The following ADARB2 variants were observed in gnomAD, a reference collection of about 807,000 sequenced individuals.
ADARB2 encodes adenosine deaminase RNA specific B2 (inactive), also known as inactive double-stranded RNA-specific editase B2.
A neutral mutation model predicts 62.2 loss-of-function variants in ADARB2; 25 were observed. That is an observed-to-expected ratio of 0.40 (90% confidence interval 0.29 to 0.56). ADARB2 has a LOEUF of 0.56. Ranked by LOEUF, ADARB2 falls within the 20% of genes least tolerant of loss-of-function variation. The pLI, the probability that ADARB2 is intolerant of heterozygous loss-of-function variation, is 0.43. For missense variants in ADARB2, 1,071 were observed against 1,077.4 expected (o/e 0.99, Z 0.08); for synonymous variants, 572 against 500.8 (o/e 1.14, Z -1.90).
At chr10:1,291,049 C>T (rs1319684327) in intron 3 of ADARB2, 3 of 152,154 alleles carry the variant, frequency 2.0e-5, no homozygotes, top group Non-Finnish European at 2.9e-5. Context: ...AAGATAAAAA[C>T]CAGAAGAATC....
At chr10:1,524,492 T>C (rs562714763) in intron 1 of ADARB2, among the ~76,000 whole-genome samples, 2 of 152,336 alleles carry the variant, frequency 1.3e-5, no homozygotes, top group East Asian at 3.9e-4. Flanking sequence ...ACTTGGATAA[T>C]GGGTCAATCA....
At position 1,675,100 on chromosome 10, in the gene ADARB2, T is replaced by C. The variant is rs1011622402; in HGVS notation, c.100+61951A>G. The C allele has an allele frequency of 3.0e-6, 3 of 984,014 alleles. No individual in the cohort carries two copies. In the African/African-American group the frequency reaches 5.3e-5, roughly 17 times the overall value. 61.0% of individuals were successfully genotyped at this position (984,014 alleles called of 1,614,324 possible). On this transcript the variant is annotated intron_variant, in intron 1 of 9. Transcript: ENST00000381312. The stretch of plus-strand genomic sequence containing the variant: ...TGGGTTAAGGGATGTGTGGATGTTC[T>C]GGAGGTTTGGGTTGCGGGGTACATG...
intron 8 of ADARB2, among the ~76,000 whole-genome samples, chr10:1,190,523 A>G (rs1836828263): frequency 6.6e-6 from 1 of 152,254 alleles, no homozygotes; most frequent in African/African-American, 2.4e-5. Context: ...TTAAAAGAGC[A>G]GAAATCTGTC....
chr10:1,377,758 C>T (rs2387654), intron 2 of ADARB2, among the ~76,000 whole-genome samples: 42,062 of 152,040 alleles, frequency 0.28, 6,920 homozygotes, highest in Non-Finnish European at 0.37. Flanking sequence ...CTCCTCCTAA[C>T]CCCCTCCTTC....
At chr10:1,595,468 A>G (rs1330870938) in intron 1 of ADARB2, among the ~76,000 whole-genome samples, 1 of 152,236 alleles carries the variant, frequency 6.6e-6, no homozygotes, top group African/African-American at 2.4e-5. Flanking sequence ...TCAGATTTGT[A>G]TTAGAAAAAA....
chr10:1,449,914 T>G (rs1831016617), intron 1 of ADARB2, among the ~76,000 whole-genome samples: 1 of 152,214 alleles, frequency 6.6e-6, no homozygotes, highest in Non-Finnish European at 1.5e-5. Context: ...TGAGTTCAAT[T>G]AGCCAAGGGC....
intron 3 of ADARB2, among the ~76,000 whole-genome samples, chr10:1,358,667 C>T (rs1451336380): frequency 1.4e-5 from 2 of 147,838 alleles, no homozygotes; most frequent in Non-Finnish European, 3.0e-5. Flanking sequence ...ATTCTTTTAA[C>T]ATTTGTAGAA....
chr10:1,683,947 G>T (rs1247184052), intron 1 of ADARB2, among the ~76,000 whole-genome samples: 1 of 152,248 alleles, frequency 6.6e-6, no homozygotes, highest in Admixed American at 6.5e-5. Context: ...ACTGTGCAAA[G>T]GGTGGCTCCG....
At chr10:1,708,853 G>A (rs1055744694) in intron 1 of ADARB2, among the ~76,000 whole-genome samples, 2 of 152,098 alleles carry the variant, frequency 1.3e-5, no homozygotes, top group Admixed American at 6.5e-5. Context: ...CCTCCAGCCT[G>A]CAAGCCACAC....
chr10:1,736,429 G>T (rs1835301181), intron 1 of ADARB2, among the ~76,000 whole-genome samples: 1 of 152,124 alleles, frequency 6.6e-6, no homozygotes, highest in Non-Finnish European at 1.5e-5. Context: ...CCTGGTTTGC[G>T]GTTTTTTTCT....
chr10:1,357,841 C>T lies in ADARB2; in HGVS notation c.1077+5187G>A, dbSNP rs148516612. Reference sequence around the variant, plus strand: ...ACACGAGCCCCAGAAAAACTCTGTGCAGAGGAGAAAACTGAGCCACAGACA... The same window carrying T: ...ACACGAGCCCCAGAAAAACTCTGTGTAGAGGAGAAAACTGAGCCACAGACA... On this transcript the variant is annotated intron_variant, in intron 3 of 9. Transcript: ENST00000381312. Among the ~76,000 whole-genome samples, 7 of 152,334 alleles carry T rather than the reference C, an allele frequency of 4.6e-5. No homozygotes were observed. In the East Asian group the frequency reaches 1.3e-3, roughly 29 times the overall value.
chr10:1,490,946 C>T (rs1424268368), intron 1 of ADARB2, among the ~76,000 whole-genome samples: 1 of 152,288 alleles, frequency 6.6e-6, no homozygotes, highest in South Asian at 2.1e-4. Flanking sequence ...AGGAAGAGGA[C>T]CTTGAAGTCC....
At chr10:1,659,765 C>G (rs1400037750) in intron 1 of ADARB2, among the ~76,000 whole-genome samples, 1 of 152,078 alleles carries the variant, frequency 6.6e-6, no homozygotes, top group African/African-American at 2.4e-5. Flanking sequence ...CCTCCAGTGT[C>G]CTGTGAGACT....
In ADARB2 at chr10:1,293,170, GGA is replaced by G. The variant is rs200337890; in HGVS notation, c.1078-22103_1078-22102del. The stretch of plus-strand genomic sequence containing the variant: ...GAGGGAGAGGGAGGGTAAGAAGGGG[GGA>G]GAGGGGGAGAGAAAGACAGGAATAG... On this transcript the variant is annotated intron_variant, in intron 3 of 9. Transcript: ENST00000381312. Among the ~76,000 whole-genome samples, 76 of 56,682 alleles carry G rather than the reference GGA, an allele frequency of 1.3e-3. 1 individual carries two copies. The highest frequency in any genetic ancestry group is 5.3e-3 in the African/African-American group (71 of 13,374). The allele number at this position is 56,682 out of a possible 152,430, so 37.2% of individuals were successfully genotyped here. A position where few individuals can be genotyped will look rare whatever the true frequency, so the allele number is the denominator to read the frequency against.
chr10:1,326,079 T>C (rs1336510543), intron 3 of ADARB2, among the ~76,000 whole-genome samples: 2 of 152,218 alleles, frequency 1.3e-5, no homozygotes, highest in African/African-American at 4.8e-5. Context: ...AAGATACTCT[T>C]ATCTTGGAAA....
In ADARB2 at chr10:1,426,270, G is replaced by A. The variant is rs1231087841; in HGVS notation, c.101-47110C>T. ...TCTGCAGTGCCAGCCTCATTAGGTCGGCCTGCGTGGTCCTCTGAAATGTAC... is the reference window on the plus strand; with the variant it reads ...TCTGCAGTGCCAGCCTCATTAGGTCAGCCTGCGTGGTCCTCTGAAATGTAC... On this transcript the variant is annotated intron_variant, in intron 1 of 9. Coordinates refer to ENST00000381312, the MANE Select transcript of ADARB2 (RefSeq NM_018702.4). The surrounding 1 kb of genome is among the most constrained non-coding windows in gnomAD (Gnocchi z 4.1). Among the ~76,000 whole-genome samples, 2 of 152,100 alleles carry A rather than the reference G, an allele frequency of 1.3e-5. No individual in the cohort carries two copies. Among genetic ancestry groups the A allele is most frequent in the African/African-American group, 2.4e-5 (1 of 41,418 alleles).
intron 1 of ADARB2, among the ~76,000 whole-genome samples, chr10:1,431,487 A>G (rs1039129874): frequency 6.6e-6 from 1 of 152,208 alleles, no homozygotes; most frequent in African/African-American, 2.4e-5. Context: ...TTTATAATTG[A>G]TCTAGACTGC....
At chr10:1,692,190 C>G (rs868764750) in intron 1 of ADARB2, among the ~76,000 whole-genome samples, 2 of 152,214 alleles carry the variant, frequency 1.3e-5, no homozygotes, top group African/African-American at 4.8e-5. Flanking sequence ...AGAGCTATCA[C>G]CTAAAAGCAT....
At chr10:1,611,850 G>A (rs1406145957) in intron 1 of ADARB2, among the ~76,000 whole-genome samples, 3 of 152,090 alleles carry the variant, frequency 2.0e-5, no homozygotes, top group African/African-American at 4.8e-5. Flanking sequence ...AAAAAAGATG[G>A]ACAGACAGAG....
Sources: allele counts gnomAD v4.1 joint callset (sites outside exome capture counted in the v4.1 genomes callset), GRCh38; gene constraint gnomAD v4.1.1; non-coding constraint Gnocchi (gnomAD v3.1); transcripts MANE v1.5; gene names NCBI Gene and HGNC (gene_info 2026-07-23, HGNC 2026-07-21).